The following UBP1 variants were observed in gnomAD, a reference collection of about 807,000 sequenced individuals.
UBP1 encodes the protein upstream-binding protein 1.
In UBP1, 22 loss-of-function variants were observed where a neutral mutation model predicts 76.1. The ratio of observed to expected loss-of-function variants is 0.29; its 90% CI spans 0.21 to 0.41. The LOEUF is 0.41. Among genes scored for constraint, UBP1 ranks in the 10% least tolerant of loss-of-function variants. The pLI, the probability that UBP1 is intolerant of heterozygous loss-of-function variation, is 1.00. For missense variants in UBP1, 436 were observed against 668.1 expected, an observed-to-expected ratio of 0.65 and a Z score of 3.83; for synonymous variants, 224 against 237.1, an observed-to-expected ratio of 0.94 and a Z score of 0.51.
rs1252605034 is a variant in UBP1 at position 33,390,284 on chromosome 3, T to C, written c.*47A>G. Reference sequence around the variant, plus strand: ...CTTGGATTCAGTCTTCACACACTTTTAAGCGTGACTATTTGGTACTGAATA... The same window carrying C: ...CTTGGATTCAGTCTTCACACACTTTCAAGCGTGACTATTTGGTACTGAATA... On this transcript the variant is annotated 3_prime_UTR_variant, in exon 16 of 16. Coordinates refer to ENST00000283629, the MANE Select transcript of UBP1 (RefSeq NM_014517.5). The C allele has an allele frequency of 1.3e-6, 2 of 1,578,780 alleles. No homozygotes were observed. Among genetic ancestry groups the C allele is most frequent in the African/African-American group, 1.3e-5 (1 of 74,080 alleles).
chr3:33,400,946 G>A lies in UBP1; in HGVS notation c.1086+16C>T. 6.3e-7 allele frequency: 1 copy of A among 1,591,238 alleles called. No individual in the cohort carries two copies. Among genetic ancestry groups the A allele is most frequent in the East Asian group, 2.3e-5 (1 of 43,742 alleles). On this transcript the variant is annotated intron_variant, in intron 10 of 15. Coordinates refer to ENST00000283629, the MANE Select transcript of UBP1 (RefSeq NM_014517.5). ...ACCCTGAAAGCATCAGATAGTTTTA[G>A]GAGAAAGATACTTACTTCACCAGAG...
At chr3:33,403,036 A>G in intron 8 of UBP1, 132 bp from the exon 9 acceptor site, 1 of 783,580 alleles carries the variant, frequency 1.3e-6, no homozygotes, top group Admixed American at 2.3e-5. Context: ...AAGCAACCTC[A>G]CAGACACATG....
At chr3:33,419,594 C>G (rs1026807809) in intron 2 of UBP1, among the ~76,000 whole-genome samples, 2 of 150,248 alleles carry the variant, frequency 1.3e-5, no homozygotes, top group African/African-American at 2.5e-5. Context: ...CGCCATTGCA[C>G]TCCAGCCTGG....
At chr3:33,396,980 C>T (rs1174437149) in intron 12 of UBP1, 65 bp downstream of exon 12, 2 of 1,461,260 alleles carry the variant, frequency 1.4e-6, no homozygotes, top group African/African-American at 1.4e-5. Flanking sequence ...ACACATTCTG[C>T]CCAAATTCCC....
intron 11 of UBP1, among the ~76,000 whole-genome samples, chr3:33,398,798 C>T (rs1244809966): frequency 2.0e-5 from 3 of 152,204 alleles, no homozygotes; most frequent in Non-Finnish European, 4.4e-5. Context: ...CAAATGTCGG[C>T]GCTTTTTCTA....
At chr3:33,437,604 T>C (rs115326790) in intron 1 of UBP1, among the ~76,000 whole-genome samples, 2,589 of 152,322 alleles carry the variant, frequency 0.017, 33 homozygotes, top group Non-Finnish European at 0.028. Context: ...ACAAAATCAA[T>C]TTGTATCAAG....
intron 1 of UBP1, among the ~76,000 whole-genome samples, chr3:33,429,563 A>C (rs1431573050): frequency 6.6e-6 from 1 of 152,138 alleles, no homozygotes; most frequent in Non-Finnish European, 1.5e-5. Context: ...TCCTGGCCTC[A>C]AGTGATCCAC....
intron 13 of UBP1, among the ~76,000 whole-genome samples, chr3:33,394,663 G>A (rs951316683): frequency 6.6e-6 from 1 of 152,004 alleles, no homozygotes; most frequent in Non-Finnish European, 1.5e-5. Context: ...TGAGAACTTT[G>A]CTTCCCCAAA....
Position 33,425,996 on chromosome 3 carries a change from AATATATATATAT to A in UBP1, c.114-267_114-256del, listed in dbSNP as rs60739079. Among the ~76,000 whole-genome samples the A allele has an allele frequency of 5.3e-3, 294 of 55,132 alleles. 5 individuals are homozygous for A. Among genetic ancestry groups the A allele is most frequent in the Middle Eastern group, 0.01 (1 of 100 alleles). 36.2% of individuals were successfully genotyped at this position (55,132 alleles called of 152,430 possible). A position where few individuals can be genotyped will look rare whatever the true frequency, so the allele number is the denominator to read the frequency against. On this transcript the variant is annotated intron_variant, in intron 1 of 15. Transcript: ENST00000283629. ...GGGGGAGGGCGGCAGGGCAGCTCTG[AATATATATATAT>A]ATATATATATATATATATATATATA...
intron 12 of UBP1, 108 bp downstream of exon 12, chr3:33,396,937 G>A (rs2044022340): frequency 1.1e-5 from 11 of 970,100 alleles, no homozygotes; most frequent in East Asian, 5.1e-5. Flanking sequence ...GCTCGATGGC[G>A]CACACAGGCA....
rs375776721 is a variant in UBP1 at position 33,439,990 on chromosome 3, G to A, written c.-142C>T. 1 of 813,588 alleles carries A rather than the reference G, an allele frequency of 1.2e-6. No homozygotes were observed. Among genetic ancestry groups the A allele is most frequent in the Non-Finnish European group, 1.8e-6 (1 of 550,618 alleles). 50.4% of individuals were successfully genotyped at this position (813,588 alleles called of 1,614,324 possible). ...AGTGGTCACCAGCGGCGGCCGGGAC[G>A]AGAGCTGCGGGGGCCCCACTGGCAG... On this transcript the variant is annotated 5_prime_UTR_variant, in exon 1 of 16. Coordinates refer to ENST00000283629, the MANE Select transcript of UBP1 (RefSeq NM_014517.5).
chr3:33,407,133 G>C (rs1048505894), intron 8 of UBP1, among the ~76,000 whole-genome samples: 10 of 152,146 alleles, frequency 6.6e-5, no homozygotes, highest in African/African-American at 2.4e-4. Context: ...AGGTTTTCAA[G>C]ATGAGCTCTA....
At chr3:33,406,194 G>A (rs1472734830) in intron 8 of UBP1, among the ~76,000 whole-genome samples, 3 of 152,226 alleles carry the variant, frequency 2.0e-5, no homozygotes, top group Admixed American at 6.5e-5. Flanking sequence ...CAGGAGGACT[G>A]CTTGAGGAGA....
chr3:33,418,675 A>G (rs1337370570), intron 2 of UBP1, among the ~76,000 whole-genome samples: 3 of 151,720 alleles, frequency 2.0e-5, no homozygotes, highest in African/African-American at 7.3e-5. Flanking sequence ...CCTGACCAAC[A>G]TGGAGAAACC....
Position 33,419,735 on chromosome 3 carries a change from T to C in UBP1, c.266-2901A>G, listed in dbSNP as rs189128160. Among the ~76,000 whole-genome samples, 14 of 152,218 alleles carry C rather than the reference T, an allele frequency of 9.2e-5. No homozygotes were observed. In the South Asian group the frequency reaches 1.7e-3, roughly 18 times the overall value. The stretch of plus-strand genomic sequence containing the variant: ...TTATATTCTTCAATGGTAATATCCA[T>C]TGAGAGAACAACCAGACTTTTAGAA... On this transcript the variant is annotated intron_variant, in intron 2 of 15. Transcript: ENST00000283629.
Position 33,393,056 on chromosome 3 carries a change from A to G in UBP1, c.1533+256T>C, listed in dbSNP as rs955594277. On this transcript the variant is annotated intron_variant, in intron 14 of 15. Transcript: ENST00000283629. ...AGGGCCAAAGCCTGCCACTATCCCT[A>G]GAGTGCCCCAGTGATTGGCTGCATC... is the stretch of plus-strand genomic sequence containing the variant. The G allele has an allele frequency of 3.7e-5, 15 of 404,918 alleles. No homozygotes were observed. In the Admixed American group the frequency reaches 5.6e-4, roughly 15 times the overall value. The allele number at this position is 404,918 out of a possible 1,614,324, so 25.1% of individuals were successfully genotyped here.
intron 1 of UBP1, among the ~76,000 whole-genome samples, chr3:33,432,782 G>A (rs2045135321): frequency 6.6e-6 from 1 of 152,136 alleles, no homozygotes; most frequent in South Asian, 2.1e-4. Flanking sequence ...AAGGACAAAA[G>A]GGAGACAACT....
intron 4 of UBP1, 68 bp downstream of exon 4, chr3:33,412,654 C>T: frequency 2.9e-6 from 3 of 1,041,022 alleles, no homozygotes; most frequent in Non-Finnish European, 3.0e-6. Context: ...ATGATGCCAA[C>T]ACAACACATT....
At position 33,397,040 on chromosome 3, in the gene UBP1, T is replaced by G; in HGVS notation, c.1271+5A>C. 6.3e-7 allele frequency: 1 copy of G among 1,587,966 alleles called. No homozygotes were observed. Among genetic ancestry groups the G allele is most frequent in the Non-Finnish European group, 8.6e-7 (1 of 1,168,340 alleles). On this transcript the variant is annotated splice_donor_5th_base_variant and intron_variant, in intron 12 of 15. Coordinates refer to ENST00000283629, the MANE Select transcript of UBP1 (RefSeq NM_014517.5). ...TTTCAAGCAAAACAGTTCACAGTAT[T>G]TTACCTTGACTTCAGTGAATTATAG...
Sources: gnomAD v4.1 joint callset for allele counts (sites outside exome capture counted in the v4.1 genomes callset) on GRCh38, gnomAD v4.1.1 for gene constraint, MANE v1.5 for transcripts, NCBI Gene and HGNC (gene_info 2026-07-23, HGNC 2026-07-21) for gene names.